RNF13: variants seen among roughly 807,000 people sequenced by gnomAD.
RNF13 encodes ring finger protein 13, also known as E3 ubiquitin-protein ligase RNF13.
In RNF13, 19 loss-of-function variants were observed where a neutral mutation model predicts 37.7. The ratio of observed to expected loss-of-function variants is 0.50; its 90% CI spans 0.35 to 0.74. RNF13 has a LOEUF of 0.74. Among genes scored for constraint, RNF13 ranks in the 30% least tolerant of loss-of-function variants. The pLI, the probability that RNF13 is intolerant of heterozygous loss-of-function variation, is 0.01. For synonymous variants in RNF13, 144 were observed against 157.8 expected (o/e 0.91, Z 0.65); for missense variants, 375 against 453.0 (o/e 0.83, Z 1.56).
In RNF13 at chr3:149,872,155, G is replaced by T; in HGVS notation, c.321+1G>T. The T allele has an allele frequency of 6.5e-7, 1 of 1,538,674 alleles. No homozygotes were observed. ...ACTTGATTGTAATTTTGATATAAAG[G>T]TATGATTATCTTTTTTCATTTTTTG... On this transcript the variant is annotated splice_donor_variant, in intron 4 of 9. Transcript: ENST00000392894. LOFTEE classifies it high-confidence loss of function.
At chr3:149,890,439 A>G (rs1714577454) in intron 4 of RNF13, among the ~76,000 whole-genome samples, 1 of 152,204 alleles carries the variant, frequency 6.6e-6, no homozygotes, top group South Asian at 2.1e-4. Flanking sequence ...AAACACTAGT[A>G]GCAATGGCAA....
At chr3:149,862,226 T>G (rs1055126090) in intron 3 of RNF13, among the ~76,000 whole-genome samples, 1 of 152,108 alleles carries the variant, frequency 6.6e-6, no homozygotes, top group Non-Finnish European at 1.5e-5. Context: ...ATTGGACATT[T>G]AGATTGCTTT....
chr3:149,860,300 T>TATATAA lies in RNF13; in HGVS notation c.195+7705_195+7706insTATAAA, dbSNP rs1467450547. Among the ~76,000 whole-genome samples, 162 of 128,718 alleles carry TATATAA rather than the reference T, an allele frequency of 1.3e-3. 2 individuals are homozygous for TATATAA. The highest frequency in any genetic ancestry group is 4.1e-3 in the African/African-American group (140 of 34,418). The allele number at this position is 128,718 out of a possible 152,430, so 84.4% of individuals were successfully genotyped here. A position where few individuals can be genotyped will look rare whatever the true frequency, so the allele number is the denominator to read the frequency against. ...ATATATATATATATATATATATATA[T>TATATAA]AACGTGTATATATAATGTATTTATA... On this transcript the variant is annotated intron_variant, in intron 3 of 9. Coordinates refer to ENST00000392894, the MANE Select transcript of RNF13 (RefSeq NM_183381.3).
chr3:149,897,955 G>A (rs1254753109), intron 5 of RNF13, among the ~76,000 whole-genome samples: 1 of 152,138 alleles, frequency 6.6e-6, no homozygotes, highest in Non-Finnish European at 1.5e-5. Flanking sequence ...TTTATCTTTA[G>A]GAGACAGCAG....
chr3:149,913,268 A>C (rs1355610082), intron 7 of RNF13, among the ~76,000 whole-genome samples: 1 of 152,104 alleles, frequency 6.6e-6, no homozygotes, highest in South Asian at 2.1e-4. Flanking sequence ...TCTTGCTACC[A>C]AAAAAAGGAT....
At chr3:149,856,211 TGGA>T (rs1011586220) in intron 3 of RNF13, among the ~76,000 whole-genome samples, 16 of 152,142 alleles carry the variant, frequency 1.1e-4, no homozygotes, top group African/African-American at 3.9e-4. Context: ...ACAAAATTAT[TGGA>T]TTATTATGGG....
chr3:149,849,872 A>G (rs1343137079), intron 2 of RNF13, among the ~76,000 whole-genome samples: 6 of 152,240 alleles, frequency 3.9e-5, no homozygotes, highest in African/African-American at 9.6e-5. Context: ...GAAGCTGTCA[A>G]GAAAAATAAT....
chr3:149,906,683 T>C (rs1716444164), intron 6 of RNF13, among the ~76,000 whole-genome samples: 1 of 127,176 alleles, frequency 7.9e-6, no homozygotes, highest in South Asian at 2.7e-4. Flanking sequence ...TTAGAAAGGG[T>C]CTCACTCCAG....
intron 6 of RNF13, among the ~76,000 whole-genome samples, chr3:149,911,584 C>G (rs1025480901): frequency 5.3e-5 from 8 of 151,618 alleles, no homozygotes; most frequent in African/African-American, 1.9e-4. Flanking sequence ...ACTTGAACCC[C>G]GGAGGTGGAG....
At chr3:149,838,399 A>G (rs1472286591) in intron 1 of RNF13, among the ~76,000 whole-genome samples, 1 of 152,210 alleles carries the variant, frequency 6.6e-6, no homozygotes, top group Non-Finnish European at 1.5e-5. Context: ...AAGGTTCTCC[A>G]TGAGGGCTCT....
chr3:149,948,657 CTA>C (rs1721011273), intron 8 of RNF13, among the ~76,000 whole-genome samples: 1 of 152,204 alleles, frequency 6.6e-6, no homozygotes, highest in Non-Finnish European at 1.5e-5. Flanking sequence ...GCCTCCCATT[CTA>C]TGTTATTGAT....
At chr3:149,901,661 C>T (rs555389425) in intron 5 of RNF13, among the ~76,000 whole-genome samples, 3 of 152,178 alleles carry the variant, frequency 2.0e-5, no homozygotes, top group South Asian at 2.1e-4. Context: ...CTGGCTTATA[C>T]GTCTCCTGGA....
At chr3:149,866,942 G>T (rs969542719) in intron 3 of RNF13, among the ~76,000 whole-genome samples, 14 of 152,156 alleles carry the variant, frequency 9.2e-5, no homozygotes, top group Non-Finnish European at 4.4e-5. Context: ...TGTGGCCTAA[G>T]ATATGGTATA....
intron 7 of RNF13, among the ~76,000 whole-genome samples, chr3:149,916,932 A>G (rs969852483): frequency 2.0e-5 from 3 of 152,172 alleles, no homozygotes; most frequent in Non-Finnish European, 4.4e-5. Context: ...TTCTACAACA[A>G]TAACTTTAGC....
At chr3:149,936,138 C>CT (rs970647635) in intron 8 of RNF13, among the ~76,000 whole-genome samples, 4 of 151,284 alleles carry the variant, frequency 2.6e-5, no homozygotes, top group Non-Finnish European at 4.4e-5. Flanking sequence ...TGTTATGCTT[C>CT]TTTTTTTTCT....
intron 2 of RNF13, among the ~76,000 whole-genome samples, chr3:149,848,976 C>T (rs143341758): frequency 2.3e-4 from 35 of 152,198 alleles, no homozygotes; most frequent in African/African-American, 7.5e-4. Flanking sequence ...ATTCAATAAA[C>T]GTTTGAAGTA....
chr3:149,913,736 A>C (rs942574874), intron 7 of RNF13, among the ~76,000 whole-genome samples: 2 of 152,136 alleles, frequency 1.3e-5, no homozygotes, highest in Admixed American at 6.5e-5. Context: ...CAGGTTTTTC[A>C]AAAGAGTATC....
intron 1 of RNF13, among the ~76,000 whole-genome samples, chr3:149,816,549 T>G (rs1339681834): frequency 6.6e-6 from 1 of 151,182 alleles, no homozygotes; most frequent in Non-Finnish European, 1.5e-5. Flanking sequence ...GATGAGGTCA[T>G]TTGAAAGATT....
At position 149,923,935 on chromosome 3, in the gene RNF13, A is replaced by T. The variant is rs142170796; in HGVS notation, c.700+2708A>T. Among the ~76,000 whole-genome samples the T allele has an allele frequency of 3.9e-5, 6 of 152,294 alleles. No individual in the cohort carries two copies. The East Asian group carries it at 1.2e-3, about 29-fold the overall frequency. ...AACTGTTAAAAGGATCCTTCTGCTGACATTAAGAATAGGTTATTAGATGGC... is the reference window on the plus strand; with the variant it reads ...AACTGTTAAAAGGATCCTTCTGCTGTCATTAAGAATAGGTTATTAGATGGC... On this transcript the variant is annotated intron_variant, in intron 8 of 9. Coordinates refer to ENST00000392894, the MANE Select transcript of RNF13 (RefSeq NM_183381.3).
Sources: gnomAD v4.1 joint callset for allele counts (sites outside exome capture counted in the v4.1 genomes callset) on GRCh38, gnomAD v4.1.1 for gene constraint, MANE v1.5 for transcripts, NCBI Gene and HGNC (gene_info 2026-07-23, HGNC 2026-07-21) for gene names.